BMPER: variants seen among roughly 807,000 people sequenced by gnomAD.
The protein encoded by BMPER is BMP-binding endothelial regulator protein.
Under a neutral mutation model 87.3 loss-of-function variants are expected in BMPER, and 45 were observed. The observed-to-expected ratio is 0.52, with a 90% confidence interval of 0.41 to 0.66. The LOEUF is 0.66. Ranked by LOEUF, BMPER falls within the 30% of genes least tolerant of loss-of-function variation. The pLI is 0.00. For missense variants in BMPER, 784 were observed against 867.5 expected (o/e 0.90, Z 1.21); for synonymous variants, 326 against 316.2 (o/e 1.03, Z -0.33).
chr7:34,076,508 A>T (rs1358370594), intron 11 of BMPER, among the ~76,000 whole-genome samples: 4 of 152,142 alleles, frequency 2.6e-5, no homozygotes, highest in Non-Finnish European at 5.9e-5. Context: ...TTAACATGTC[A>T]TAAGCATTTC....
intron 13 of BMPER, among the ~76,000 whole-genome samples, chr7:34,126,232 G>A (rs1328306762): frequency 6.6e-6 from 1 of 152,188 alleles, no homozygotes; most frequent in Non-Finnish European, 1.5e-5. Context: ...TCCAGATGAT[G>A]AGCATGGCAT....
chr7:34,060,570 T>C (rs1446931792), intron 10 of BMPER, among the ~76,000 whole-genome samples: 2 of 152,254 alleles, frequency 1.3e-5, no homozygotes, highest in Admixed American at 6.5e-5. Context: ...CATTTAGGCC[T>C]AGCTGATGCA....
At chr7:33,921,361 T>A (rs1784225709) in intron 2 of BMPER, among the ~76,000 whole-genome samples, 1 of 152,234 alleles carries the variant, frequency 6.6e-6, no homozygotes, top group African/African-American at 2.4e-5. Flanking sequence ...AGTTTCATAG[T>A]TGAGCTCATT....
At chr7:34,006,202 GA>G (rs1187586036) in intron 6 of BMPER, among the ~76,000 whole-genome samples, 2 of 151,968 alleles carry the variant, frequency 1.3e-5, no homozygotes, top group Admixed American at 6.6e-5. Context: ...TTCGAAATAG[GA>G]ATTTTTTTCT....
At chr7:34,026,783 C>T (rs1268987698) in intron 6 of BMPER, among the ~76,000 whole-genome samples, 2 of 152,098 alleles carry the variant, frequency 1.3e-5, no homozygotes, top group Non-Finnish European at 2.9e-5. Flanking sequence ...GCTCATACTT[C>T]ATTTTTTACC....
rs765972769 is a variant in BMPER, at chr7:33,905,634, CGGG to C, written c.23_25del (p.Gly8del). On this transcript the variant is annotated inframe_deletion, in exon 1 of 15. Coordinates refer to ENST00000649409, the MANE Select transcript of BMPER (RefSeq NM_001365308.1). ...TGACGATGCTCTGGTTCTCCGGCGTCGGGGCTCTGGCTGAGCGTTACTGCCGCC... is the reference window on the plus strand; with the variant it reads ...TGACGATGCTCTGGTTCTCCGGCGTCGCTCTGGCTGAGCGTTACTGCCGCC... 6.2e-7 allele frequency: 1 copy of C among 1,613,080 alleles called. No homozygotes were observed. Among genetic ancestry groups the C allele is most frequent in the South Asian group, 1.1e-5 (1 of 91,058 alleles).
chr7:33,956,304 T>C (rs1785146645), intron 3 of BMPER, among the ~76,000 whole-genome samples: 1 of 152,058 alleles, frequency 6.6e-6, no homozygotes, highest in Non-Finnish European at 1.5e-5. Flanking sequence ...TAATTAGAAA[T>C]AGGCAAAAGA....
intron 13 of BMPER, among the ~76,000 whole-genome samples, chr7:34,135,519 G>C (rs940868650): frequency 6.6e-6 from 1 of 152,136 alleles, no homozygotes; most frequent in African/African-American, 2.4e-5. Flanking sequence ...CCAGCCCCCT[G>C]TCCTGTGAGG....
chr7:34,031,439 A>G (rs962131979), intron 6 of BMPER, among the ~76,000 whole-genome samples: 4 of 152,106 alleles, frequency 2.6e-5, no homozygotes, highest in Admixed American at 1.3e-4. Flanking sequence ...GTCATACTGC[A>G]TATATCAAGA....
intron 13 of BMPER, among the ~76,000 whole-genome samples, chr7:34,113,981 T>G (rs1256624806): frequency 6.6e-6 from 1 of 152,230 alleles, no homozygotes; most frequent in Non-Finnish European, 1.5e-5. Context: ...GGTGCCGTCT[T>G]CTCTCTTACT....
intron 3 of BMPER, among the ~76,000 whole-genome samples, chr7:33,954,084 A>G (rs1422358057): frequency 1.3e-5 from 2 of 152,202 alleles, no homozygotes; most frequent in South Asian, 2.1e-4. Context: ...GGGCATCTAT[A>G]TTCTGAATTA....
chr7:34,002,940 T>A (rs1053817562), intron 6 of BMPER, among the ~76,000 whole-genome samples: 2 of 151,618 alleles, frequency 1.3e-5, no homozygotes, highest in Admixed American at 6.6e-5. Flanking sequence ...TATAGTTTTA[T>A]CCTGCTTTAA....
chr7:34,139,246 A>G (rs554978351), intron 13 of BMPER, among the ~76,000 whole-genome samples: 1 of 152,334 alleles, frequency 6.6e-6, no homozygotes, highest in East Asian at 1.9e-4. Flanking sequence ...TACAAGTGTG[A>G]GGGCAACGCA....
intron 6 of BMPER, among the ~76,000 whole-genome samples, chr7:34,023,074 C>T (rs922217605): frequency 1.3e-5 from 2 of 152,040 alleles, no homozygotes; most frequent in Non-Finnish European, 2.9e-5. Flanking sequence ...AACATCTTCT[C>T]ATGAAAGTGG....
intron 6 of BMPER, among the ~76,000 whole-genome samples, chr7:34,017,828 T>C (rs756100421): frequency 1.3e-5 from 2 of 151,866 alleles, no homozygotes; most frequent in Non-Finnish European, 2.9e-5. Context: ...GAGAGCCAGC[T>C]GTTGATTGGT....
rs185218467 is a variant in BMPER, at chr7:34,043,824, G to A, written c.577-2482G>A. Among the ~76,000 whole-genome samples the A allele has an allele frequency of 9.3e-4, 142 of 152,318 alleles. 1 individual carries two copies. Among genetic ancestry groups the A allele is most frequent in the East Asian group, 2.1e-3 (11 of 5,190 alleles). ...AGTGAAAGAGAGTTGAGGCAGAGAA[G>A]CCAATCAGAAAGCTACTGCGATCAT... On this transcript the variant is annotated intron_variant, in intron 6 of 14. Transcript: ENST00000649409.
At chr7:34,136,411 C>G (rs1173396658) in intron 13 of BMPER, among the ~76,000 whole-genome samples, 2 of 152,138 alleles carry the variant, frequency 1.3e-5, no homozygotes, top group Non-Finnish European at 2.9e-5. Context: ...GCCTTCCTAC[C>G]TTGGCTACTA....
chr7:34,017,457 C>T lies in BMPER; in HGVS notation c.577-28849C>T, dbSNP rs570944616. Among the ~76,000 whole-genome samples the T allele has an allele frequency of 4.0e-5, 6 of 151,862 alleles. No individual in the cohort carries two copies. The South Asian group carries it at 1.2e-3, about 32-fold the overall frequency. ...GCTCCCATTTATAAAACCATCAGAT[C>T]TCATAAGCCTTATTCACTATCATGA... On this transcript the variant is annotated intron_variant, in intron 6 of 14. Coordinates refer to ENST00000649409, the MANE Select transcript of BMPER (RefSeq NM_001365308.1).
At chr7:34,119,037 C>CACACACACACACACAT (rs56294279) in intron 13 of BMPER, among the ~76,000 whole-genome samples, 3 of 151,568 alleles carry the variant, frequency 2.0e-5, no homozygotes, top group East Asian at 1.9e-4. Flanking sequence ...CACACACACA[C>CACACACACACACACAT]GCACTCGATA....
Sources: gnomAD v4.1 joint callset for allele counts (sites outside exome capture counted in the v4.1 genomes callset) on GRCh38, gnomAD v4.1.1 for gene constraint, MANE v1.5 for transcripts, NCBI Gene and HGNC (gene_info 2026-07-23, HGNC 2026-07-21) for gene names.